The following CNTN5 variants were observed in gnomAD, a reference collection of about 807,000 sequenced individuals.
CNTN5 encodes the protein contactin 5, also known as contactin-5.
In CNTN5, 77 loss-of-function variants were observed where a neutral mutation model predicts 129.1. The ratio of observed to expected loss-of-function variants is 0.60; its 90% confidence interval spans 0.50 to 0.72. The LOEUF is 0.72. CNTN5 is among the 30% of genes least tolerant of loss of function. The pLI is 0.00. For missense variants in CNTN5, 1,478 were observed against 1,328.8 expected, an observed-to-expected ratio of 1.11 and a Z score of -1.75; for synonymous variants, 509 against 465.6, an observed-to-expected ratio of 1.09 and a Z score of -1.20.
At chr11:99,555,499 T>C (rs1340981701) in intron 2 of CNTN5, among the ~76,000 whole-genome samples, 1 of 152,016 alleles carries the variant, frequency 6.6e-6, no homozygotes, top group Admixed American at 6.6e-5. Flanking sequence ...GTTATTGTTA[T>C]AAAAATGGCA....
chr11:100,025,701 G>A (rs1361920563), intron 9 of CNTN5, among the ~76,000 whole-genome samples: 1 of 152,194 alleles, frequency 6.6e-6, no homozygotes, highest in African/African-American at 2.4e-5. Flanking sequence ...AGAGTCAAAG[G>A]AGATCATTTC....
chr11:100,336,817 C>G (rs886554123), intron 21 of CNTN5: 10 of 411,292 alleles, frequency 2.4e-5, no homozygotes, highest in Non-Finnish European at 4.5e-5. Flanking sequence ...TCCCCAGACC[C>G]TAACCTTCCC....
At chr11:99,336,037 T>TAA (rs35190716) in intron 2 of CNTN5, among the ~76,000 whole-genome samples, 25 of 147,216 alleles carry the variant, frequency 1.7e-4, no homozygotes, top group Non-Finnish European at 2.9e-4. Context: ...TATTCTTGGA[T>TAA]AAAAAAAAAA....
chr11:99,979,344 G>C (rs998724410), intron 8 of CNTN5, among the ~76,000 whole-genome samples: 4 of 152,106 alleles, frequency 2.6e-5, no homozygotes, highest in African/African-American at 9.7e-5. Flanking sequence ...TTGCACAGAG[G>C]AGTTGACATT....
chr11:99,585,505 A>G (rs1949765007), intron 3 of CNTN5, among the ~76,000 whole-genome samples: 1 of 152,138 alleles, frequency 6.6e-6, no homozygotes, highest in African/African-American at 2.4e-5. Flanking sequence ...AAAAAAATAT[A>G]TATATTTAGG....
At chr11:100,046,844 A>G (rs1399532887) in intron 9 of CNTN5, among the ~76,000 whole-genome samples, 1 of 152,184 alleles carries the variant, frequency 6.6e-6, no homozygotes, top group African/African-American at 2.4e-5. Flanking sequence ...CATTGCAGGA[A>G]TGTGATCCCT....
chr11:99,945,696 A>G (rs1950540603), intron 7 of CNTN5, among the ~76,000 whole-genome samples: 1 of 152,074 alleles, frequency 6.6e-6, no homozygotes. Context: ...CAAGACTGCA[A>G]AGCTGCTAGG....
At chr11:99,935,805 C>T (rs1315555825) in intron 7 of CNTN5, among the ~76,000 whole-genome samples, 4 of 152,210 alleles carry the variant, frequency 2.6e-5, no homozygotes, top group African/African-American at 4.8e-5. Context: ...GTAATCTTTA[C>T]TATTACCCTT....
chr11:100,006,414 T>A (rs7116995), intron 9 of CNTN5, among the ~76,000 whole-genome samples: 44,441 of 151,802 alleles, frequency 0.29, 6,861 homozygotes, highest in African/African-American at 0.38. Context: ...CAATCCTCTC[T>A]AACTCTGCCA....
intron 9 of CNTN5, among the ~76,000 whole-genome samples, chr11:100,034,566 T>C (rs1941882276): frequency 6.6e-6 from 1 of 152,202 alleles, no homozygotes; most frequent in South Asian, 2.1e-4. Flanking sequence ...ATACAGAGTG[T>C]CCTAAACCAA....
rs1016810410 is a variant in CNTN5 at position 99,389,160 on chromosome 11, G to A, written c.-71+63676G>A. The stretch of plus-strand genomic sequence containing the variant: ...TTCTCCTCCCCCAGCCTCCCAAGTA[G>A]CTGGGATTACAGGCATGTGCCACCA... On this transcript the variant is annotated intron_variant, in intron 2 of 24. Coordinates refer to ENST00000524871, the MANE Select transcript of CNTN5 (RefSeq NM_014361.4). Among the ~76,000 whole-genome samples the A allele has an allele frequency of 2.6e-5, 4 of 152,122 alleles. 1 individual carries two copies. Among genetic ancestry groups the A allele is most frequent in the South Asian group, 4.1e-4 (2 of 4,826 alleles).
chr11:100,135,970 G>A (rs1489399750), intron 13 of CNTN5, among the ~76,000 whole-genome samples: 1 of 151,974 alleles, frequency 6.6e-6, no homozygotes, highest in Non-Finnish European at 1.5e-5. Context: ...TTGAATACTG[G>A]TACATGATAT....
At chr11:99,964,546 C>T (rs973179307) in intron 8 of CNTN5, among the ~76,000 whole-genome samples, 10 of 152,004 alleles carry the variant, frequency 6.6e-5, no homozygotes, top group South Asian at 2.1e-4. Flanking sequence ...GATGTGCTGC[C>T]GGATTCAGTT....
chr11:99,275,171 A>T (rs1863367551), intron 1 of CNTN5, among the ~76,000 whole-genome samples: 1 of 151,232 alleles, frequency 6.6e-6, no homozygotes, highest in Non-Finnish European at 1.5e-5. Context: ...TATTGACTTC[A>T]TTGACAAGCC....
At chr11:100,085,355 A>G (rs1180904761) in intron 13 of CNTN5, among the ~76,000 whole-genome samples, 1 of 152,034 alleles carries the variant, frequency 6.6e-6, no homozygotes, top group East Asian at 1.9e-4. Flanking sequence ...CAGCACAACA[A>G]AACTTCATAT....
intron 4 of CNTN5, 182 bp from the exon 5 acceptor site, chr11:99,844,670 T>A (rs1947624617): frequency 3.3e-6 from 2 of 599,618 alleles, no homozygotes; most frequent in Admixed American, 3.3e-5. Context: ...AAAAATTATA[T>A]TTGGTTCTTT....
At chr11:99,964,292 T>C (rs1021145415) in intron 8 of CNTN5, among the ~76,000 whole-genome samples, 8 of 152,176 alleles carry the variant, frequency 5.3e-5, no homozygotes, top group African/African-American at 1.9e-4. Flanking sequence ...GTATTGGCTG[T>C]GGGTTTGTCA....
chr11:99,905,024 T>C (rs1260372290), intron 6 of CNTN5, among the ~76,000 whole-genome samples: 1 of 152,226 alleles, frequency 6.6e-6, no homozygotes, highest in Non-Finnish European at 1.5e-5. Flanking sequence ...TTAAGTTCTT[T>C]GTAGATTCTT....
chr11:99,384,700 T>C (rs908866328), intron 2 of CNTN5, among the ~76,000 whole-genome samples: 4 of 152,230 alleles, frequency 2.6e-5, no homozygotes, highest in African/African-American at 9.6e-5. Flanking sequence ...GAAACCTGAT[T>C]AAACTTTATT....
Sources: gnomAD v4.1 joint callset for allele counts (sites outside exome capture counted in the v4.1 genomes callset) on GRCh38, gnomAD v4.1.1 for gene constraint, MANE v1.5 for transcripts, NCBI Gene and HGNC (gene_info 2026-07-23, HGNC 2026-07-21) for gene names.